CPQ: variants seen among roughly 807,000 people sequenced by gnomAD.
CPQ encodes Ser-Met dipeptidase.
In CPQ, 37 loss-of-function variants were observed where a neutral mutation model predicts 45.7. That is an observed-to-expected ratio of 0.81 (90% CI 0.62 to 1.07). CPQ has a LOEUF of 1.07. CPQ is among the 50% of genes least tolerant of loss of function. The probability of loss-of-function intolerance (pLI) is 0.00; values close to 1 mark genes in which losing one functional copy is unlikely to be tolerated. For synonymous variants in CPQ, 186 were observed against 205.8 expected (o/e 0.90, Z 0.82); for missense variants, 537 against 572.9 (o/e 0.94, Z 0.64).
chr8:96,704,416 A>C (rs111720269), intron 1 of CPQ, among the ~76,000 whole-genome samples: 1,940 of 152,202 alleles, frequency 0.013, 59 homozygotes, highest in African/African-American at 0.044. Flanking sequence ...TGGTAATGCT[A>C]GGAAGTGTAT....
chr8:97,143,379 T>C lies in CPQ; in HGVS notation c.*196T>C. The C allele has an allele frequency of 1.8e-6, 1 of 542,754 alleles. No individual in the cohort carries two copies. The highest frequency in any genetic ancestry group is 3.3e-6 in the Non-Finnish European group (1 of 307,550). 33.6% of individuals were successfully genotyped at this position (542,754 alleles called of 1,614,324 possible). ...GAAAAAGGAATCATTCTCCCCTCCC[T>C]CCCACCACATAGAATCAACATATGG... On this transcript the variant is annotated 3_prime_UTR_variant, in exon 8 of 8. Coordinates refer to ENST00000220763, the MANE Select transcript of CPQ (RefSeq NM_016134.4).
intron 1 of CPQ, among the ~76,000 whole-genome samples, chr8:96,738,445 TTTTTTTA>T (rs1810025089): frequency 6.6e-6 from 1 of 151,600 alleles, no homozygotes; most frequent in Non-Finnish European, 1.5e-5. Context: ...TTATTTTTTA[TTTTTTTA>T]TTTTTTATTT....
intron 7 of CPQ, among the ~76,000 whole-genome samples, chr8:97,130,051 C>T (rs1300832049): frequency 6.6e-6 from 1 of 152,222 alleles, no homozygotes; most frequent in African/African-American, 2.4e-5. Flanking sequence ...GTCATTTAAC[C>T]TCTTTACAGC....
chr8:97,107,297 A>T (rs995955208), intron 7 of CPQ, among the ~76,000 whole-genome samples: 2 of 152,268 alleles, frequency 1.3e-5, no homozygotes, highest in Non-Finnish European at 2.9e-5. Context: ...ATTTAGAATT[A>T]TTGGACTTTG....
intron 7 of CPQ, among the ~76,000 whole-genome samples, chr8:97,092,129 A>C (rs113810096): frequency 5.9e-5 from 9 of 152,322 alleles, no homozygotes; most frequent in African/African-American, 2.2e-4. Context: ...CTAATGTTCC[A>C]ATAGGCTTTT....
chr8:96,965,016 G>A (rs532018915), intron 4 of CPQ, among the ~76,000 whole-genome samples: 7 of 152,056 alleles, frequency 4.6e-5, no homozygotes, highest in Non-Finnish European at 1.0e-4. Flanking sequence ...TATTTCCTAA[G>A]AAGAATTTTA....
At chr8:96,801,178 T>C (rs962017028) in intron 2 of CPQ, among the ~76,000 whole-genome samples, 6 of 152,098 alleles carry the variant, frequency 3.9e-5, no homozygotes, top group Admixed American at 6.6e-5. Context: ...GGTTTTGCCA[T>C]GTTGGCCAGG....
chr8:97,128,896 A>C (rs1811891957), intron 7 of CPQ, among the ~76,000 whole-genome samples: 1 of 152,202 alleles, frequency 6.6e-6, no homozygotes. Context: ...GTTCTTTCCC[A>C]GTCCTGATTA....
At position 97,076,988 on chromosome 8, in the gene CPQ, ATTC is replaced by A. The variant is rs1810856876; in HGVS notation, c.1255+10781_1255+10783del. On this transcript the variant is annotated intron_variant, in intron 7 of 7. Coordinates refer to ENST00000220763, the MANE Select transcript of CPQ (RefSeq NM_016134.4). The stretch of plus-strand genomic sequence containing the variant: ...ATTTTGTAAATGTATTATATACTGT[ATTC>A]TTATAATAAAGTAAGCTAGAGAAGA... 1.3e-5 allele frequency among the ~76,000 whole-genome samples: 2 copies of A among 152,216 alleles called. 1 individual carries two copies. The highest frequency in any genetic ancestry group is 4.1e-4 in the South Asian group (2 of 4,832).
At chr8:96,846,539 TC>T (rs1461993570) in intron 3 of CPQ, among the ~76,000 whole-genome samples, 1 of 152,188 alleles carries the variant, frequency 6.6e-6, no homozygotes, top group Non-Finnish European at 1.5e-5. Context: ...TTTATATGCA[TC>T]TACATTCATT....
At chr8:96,866,664 G>A (rs986220402) in intron 3 of CPQ, among the ~76,000 whole-genome samples, 1 of 151,886 alleles carries the variant, frequency 6.6e-6, no homozygotes, top group Non-Finnish European at 1.5e-5. Context: ...TGGATGATTT[G>A]ACTTACCCTT....
At chr8:96,873,566 T>TCAAATAAGCTTTTCTATTA (rs1812107860) in intron 3 of CPQ, among the ~76,000 whole-genome samples, 1 of 151,718 alleles carries the variant, frequency 6.6e-6, no homozygotes, top group Non-Finnish European at 1.5e-5. Flanking sequence ...GATTTTTAAA[T>TCAAATAAGCTTTTCTATTA]CAAATAAGCT....
intron 1 of CPQ, among the ~76,000 whole-genome samples, chr8:96,717,372 C>T (rs953909667): frequency 4.0e-5 from 6 of 151,858 alleles, no homozygotes; most frequent in Non-Finnish European, 7.4e-5. Flanking sequence ...TTTTTCACCA[C>T]ATCCATGCCA....
Position 96,880,518 on chromosome 8 carries a change from CATATATATATATATATATATAT to C in CPQ, c.849+551_849+572del, listed in dbSNP as rs200512558. ...GCTGGCTAAAAAACAAATATATGGT[CATATATATATATATATATATAT>C]ATATATATATATATATATATATATA... On this transcript the variant is annotated intron_variant, in intron 4 of 7. Coordinates refer to ENST00000220763, the MANE Select transcript of CPQ (RefSeq NM_016134.4). Among the ~76,000 whole-genome samples, 929 of 97,286 alleles carry C rather than the reference CATATATATATATATATATATAT, an allele frequency of 9.5e-3. 30 individuals carry two copies. Among genetic ancestry groups the C allele is most frequent in the African/African-American group, 0.032 (769 of 24,122 alleles). 63.8% of individuals were successfully genotyped at this position (97,286 alleles called of 152,430 possible). A position where few individuals can be genotyped will look rare whatever the true frequency, so the allele number is the denominator to read the frequency against.
At chr8:96,995,981 T>C (rs185063037) in intron 5 of CPQ, among the ~76,000 whole-genome samples, 2 of 151,824 alleles carry the variant, frequency 1.3e-5, no homozygotes, top group African/African-American at 4.8e-5. Context: ...AAGAAACATA[T>C]GAGAAAGACA....
At chr8:96,694,404 C>T (rs758169445) in intron 1 of CPQ, among the ~76,000 whole-genome samples, 7 of 151,672 alleles carry the variant, frequency 4.6e-5, no homozygotes, top group Non-Finnish European at 8.8e-5. Flanking sequence ...CAGACTTAAT[C>T]TGCACAGTAG....
chr8:96,939,140 T>G (rs1813091526), intron 4 of CPQ, among the ~76,000 whole-genome samples: 1 of 152,340 alleles, frequency 6.6e-6, no homozygotes, highest in African/African-American at 2.4e-5. Flanking sequence ...TCTGTAAATT[T>G]ATCTCTCAAC....
At chr8:97,039,412 A>AT (rs547650811) in intron 6 of CPQ, among the ~76,000 whole-genome samples, 82 of 149,452 alleles carry the variant, frequency 5.5e-4, no homozygotes, top group Admixed American at 3.0e-3. Context: ...TTTCTTTTTT[A>AT]TTTTTTTTAA....
At chr8:97,107,868 A>G (rs1031679374) in intron 7 of CPQ, among the ~76,000 whole-genome samples, 5 of 151,372 alleles carry the variant, frequency 3.3e-5, no homozygotes, top group Non-Finnish European at 7.3e-5. Context: ...AGAAAAGGAT[A>G]GCCAAAGCCA....
Sources: gnomAD v4.1 joint callset for allele counts (sites outside exome capture counted in the v4.1 genomes callset) on GRCh38, gnomAD v4.1.1 for gene constraint, MANE v1.5 for transcripts, NCBI Gene and HGNC (gene_info 2026-07-23, HGNC 2026-07-21) for gene names.